The following LIN28B variants were observed in gnomAD, a reference collection of about 807,000 sequenced individuals.
The protein encoded by LIN28B is lin-28 RNA binding posttranscriptional regulator B, also known as protein lin-28 homolog B.
In LIN28B, 5 loss-of-function variants were observed where a neutral mutation model predicts 21.9. That is an observed-to-expected ratio of 0.23 (90% CI 0.12 to 0.48). The LOEUF is 0.48. Among genes scored for constraint, LIN28B ranks in the 20% least tolerant of loss-of-function variants. The pLI is 0.98. For synonymous variants in LIN28B, 109 were observed against 111.3 expected (o/e 0.98, Z 0.13); for missense variants, 245 against 310.5 (o/e 0.79, Z 1.58).
At chr6:104,953,253 G>T (rs569182169), upstream of LIN28B, among the ~76,000 whole-genome samples, 10 of 152,262 alleles carry the variant, frequency 6.6e-5, no homozygotes, top group African/African-American at 2.4e-4. Context: ...TGCCATCGCG[G>T]CTTCCCGAAA....
At chr6:104,967,843 A>G (rs1769896000) in intron 2 of LIN28B, among the ~76,000 whole-genome samples, 2 of 151,906 alleles carry the variant, frequency 1.3e-5, no homozygotes, top group Admixed American at 1.3e-4. Flanking sequence ...CATGCCTGGC[A>G]CATGCCACTG....
intron 3 of LIN28B, among the ~76,000 whole-genome samples, chr6:105,074,419 C>T (rs531980767): frequency 6.6e-6 from 1 of 152,190 alleles, no homozygotes; most frequent in Non-Finnish European, 1.5e-5. Flanking sequence ...AAGATGGTCT[C>T]GATCTCCTGA....
chr6:105,002,051 AAGAATT>A (rs1770730403), intron 2 of LIN28B, among the ~76,000 whole-genome samples: 1 of 152,168 alleles, frequency 6.6e-6, no homozygotes, highest in Non-Finnish European at 1.5e-5. Context: ...ACTTTAGTGA[AAGAATT>A]AGAGCAGAGT....
At chr6:104,967,075 G>A (rs150121686) in intron 2 of LIN28B, among the ~76,000 whole-genome samples, 3 of 151,542 alleles carry the variant, frequency 2.0e-5, no homozygotes, top group East Asian at 1.9e-4. Flanking sequence ...GCCTCACTCT[G>A]GTTTTCTTTA....
chr6:105,053,925 G>A (rs12523843), intron 3 of LIN28B, among the ~76,000 whole-genome samples: 12,232 of 152,092 alleles, frequency 0.08, 506 homozygotes, highest in African/African-American at 0.093. Context: ...TGTATTTTTA[G>A]TAGAGACAGG....
At chr6:105,013,927 T>C (rs1770973583) in intron 2 of LIN28B, among the ~76,000 whole-genome samples, 1 of 152,142 alleles carries the variant, frequency 6.6e-6, no homozygotes, top group Admixed American at 6.5e-5. Context: ...GATTCCTGAT[T>C]TTGATAATTT....
At chr6:105,035,277 G>C (rs1023633310) in intron 3 of LIN28B, among the ~76,000 whole-genome samples, 2 of 152,070 alleles carry the variant, frequency 1.3e-5, no homozygotes, top group East Asian at 3.8e-4. Flanking sequence ...CTTTTTAGAT[G>C]ATAGAGATGT....
chr6:104,962,940 T>C (rs1173861721), intron 2 of LIN28B, among the ~76,000 whole-genome samples: 1 of 152,238 alleles, frequency 6.6e-6, no homozygotes, highest in Non-Finnish European at 1.5e-5. Flanking sequence ...AAATGGTTTA[T>C]AACCTACCAG....
At chr6:104,976,950 G>A (rs1466139796) in intron 2 of LIN28B, among the ~76,000 whole-genome samples, 1 of 152,124 alleles carries the variant, frequency 6.6e-6, no homozygotes, top group Non-Finnish European at 1.5e-5. Flanking sequence ...AAGTTGCATT[G>A]CCTATTTGTT....
upstream of LIN28B, among the ~76,000 whole-genome samples, chr6:104,954,429 A>C (rs1430514008): frequency 6.6e-6 from 1 of 152,144 alleles, no homozygotes; most frequent in Non-Finnish European, 1.5e-5. Context: ...GTGAGTGATT[A>C]TTTTGTGTTT....
intron 3 of LIN28B, among the ~76,000 whole-genome samples, chr6:105,073,680 A>AT (rs1178485240): frequency 6.6e-6 from 1 of 152,018 alleles, no homozygotes; most frequent in Non-Finnish European, 1.5e-5. Flanking sequence ...CCTAAGATAC[A>AT]TTTTTTTCCA....
chr6:104,989,898 G>T (rs2114265775), intron 2 of LIN28B, among the ~76,000 whole-genome samples: 1 of 152,172 alleles, frequency 6.6e-6, no homozygotes, highest in East Asian at 1.9e-4. Context: ...CCCAGCCAGT[G>T]AAATGAAATT....
At chr6:104,991,310 C>T (rs569344100) in intron 2 of LIN28B, among the ~76,000 whole-genome samples, 9 of 146,902 alleles carry the variant, frequency 6.1e-5, no homozygotes, top group East Asian at 2.1e-4. Flanking sequence ...GCGGCTGCCG[C>T]GCGGAGGGGC....
At chr6:104,982,662 T>G (rs1014366797) in intron 2 of LIN28B, among the ~76,000 whole-genome samples, 1 of 152,206 alleles carries the variant, frequency 6.6e-6, no homozygotes. Context: ...CATATGTGGT[T>G]GCATGGAGAC....
At chr6:104,954,552 C>A (rs963866590), upstream of LIN28B, among the ~76,000 whole-genome samples, 5 of 152,098 alleles carry the variant, frequency 3.3e-5, no homozygotes, top group African/African-American at 1.2e-4. Flanking sequence ...TTACCCTCCC[C>A]CAAGGTATGT....
chr6:104,980,241 T>A (rs749967015), intron 2 of LIN28B, among the ~76,000 whole-genome samples: 5 of 152,244 alleles, frequency 3.3e-5, no homozygotes, highest in Non-Finnish European at 7.3e-5. Context: ...ATACAAGTTT[T>A]GATGAATCTA....
At chr6:105,041,614 G>A (rs1771638808) in intron 3 of LIN28B, among the ~76,000 whole-genome samples, 1 of 152,156 alleles carries the variant, frequency 6.6e-6, no homozygotes, top group African/African-American at 2.4e-5. Flanking sequence ...TTAAAGGGTT[G>A]TTGTTTATCA....
rs1562097729 is a variant in LIN28B at position 105,026,397 on chromosome 6, A to G, written c.298A>G (p.Thr100Ala). The change falls in exon 3 of 4, where the codon ACA (threonine) becomes GCA (alanine). Residue 100 changes from threonine (T) to alanine (A), a missense_variant. Thr to Ala is a moderately conservative substitution (Grantham distance 58, BLOSUM62 0). Transcript: ENST00000345080. Reference protein sequence around the residue: ...SSKGLESIRVTGPGGSPCLGS... With the variant: ...SSKGLESIRVAGPGGSPCLGS... Reference sequence around the variant, plus strand: ...CAAAGGCCTTGAGTCAATACGGGTAACAGGACCTGGTGGGAGCCCCTGTTT... The same window carrying G: ...CAAAGGCCTTGAGTCAATACGGGTAGCAGGACCTGGTGGGAGCCCCTGTTT... The G allele has an allele frequency of 6.2e-7, 1 of 1,612,188 alleles. No individual in the cohort carries two copies. The highest frequency in any genetic ancestry group is 8.5e-7 in the Non-Finnish European group (1 of 1,178,636).
chr6:105,049,634 T>G (rs1349769200), intron 3 of LIN28B, among the ~76,000 whole-genome samples: 1 of 151,998 alleles, frequency 6.6e-6, no homozygotes, highest in East Asian at 1.9e-4. Context: ...TGTGTGGGAG[T>G]CTAAGTCTCT....
Sources: gnomAD v4.1 joint callset for allele counts (sites outside exome capture counted in the v4.1 genomes callset) on GRCh38, gnomAD v4.1.1 for gene constraint, MANE v1.5 for transcripts, NCBI Gene and HGNC (gene_info 2026-07-23, HGNC 2026-07-21) for gene names.